Variants in CILK1 observed in about 807,000 individuals in gnomAD.
The protein encoded by CILK1 is ciliogenesis associated kinase 1, also known as serine/threonine-protein kinase ICK.
A neutral mutation model predicts 79.2 loss-of-function variants in CILK1; 47 were observed. The observed-to-expected ratio is 0.59, with a 90% CI of 0.47 to 0.76. The LOEUF (loss-of-function observed/expected upper bound fraction) is 0.76. Ranked by LOEUF, CILK1 falls within the 30% of genes least tolerant of loss-of-function variation. CILK1 has a pLI of 0.00. For synonymous variants in CILK1, 266 were observed against 275.9 expected (o/e 0.96, Z 0.36); for missense variants, 660 against 769.5 (o/e 0.86, Z 1.68).
At chr6:53,024,208 A>G (rs952910373) in intron 5 of CILK1, among the ~76,000 whole-genome samples, 1 of 152,206 alleles carries the variant, frequency 6.6e-6, no homozygotes, top group African/African-American at 2.4e-5. Flanking sequence ...GGCCTTCCTC[A>G]TACAATTCCT....
In CILK1 at chr6:53,013,553, C is replaced by T. The variant is rs375434938; in HGVS notation, c.1152+109G>A. On this transcript the variant is annotated intron_variant, in intron 9 of 13. Transcript: ENST00000676107. ...ATTCCATGCTGTTGCAAACATAAAT[C>T]TACCATAACTGGACCCTGTATACTG... 2.5e-4 allele frequency: 261 copies of T among 1,030,586 alleles called. 2 individuals are homozygous for T. In the South Asian group the frequency reaches 3.4e-3, roughly 13 times the overall value. The allele number at this position is 1,030,586 out of a possible 1,614,324, so 63.8% of individuals were successfully genotyped here.
chr6:53,005,076 G>A lies in CILK1; in HGVS notation c.*73C>T. The A allele has an allele frequency of 3.9e-6, 6 of 1,551,924 alleles. No homozygotes were observed. Among genetic ancestry groups the A allele is most frequent in the Non-Finnish European group, 5.3e-6 (6 of 1,126,810 alleles). The stretch of plus-strand genomic sequence containing the variant: ...TTTTATGCCCTCTGCACATCTTGCA[G>A]GTAGAACACCAGTCAGCTGAGGGAA... On this transcript the variant is annotated 3_prime_UTR_variant, in exon 14 of 14. Coordinates refer to ENST00000676107, the MANE Select transcript of CILK1 (RefSeq NM_014920.5).
At chr6:53,015,896 A>T in intron 8 of CILK1, 187 bp downstream of exon 8, 1 of 602,624 alleles carries the variant, frequency 1.7e-6, no homozygotes, top group Non-Finnish European at 2.9e-6. Flanking sequence ...TATTGTTTAC[A>T]TTGTAACTAC....
chr6:53,051,205 A>G (rs1767458240), intron 1 of CILK1, among the ~76,000 whole-genome samples: 8 of 152,182 alleles, frequency 5.3e-5, no homozygotes, highest in Admixed American at 5.2e-4. Context: ...ACTACAGCTA[A>G]TTTTTCTTGT....
At chr6:53,040,209 C>A (rs894717073) in intron 2 of CILK1, among the ~76,000 whole-genome samples, 12 of 152,180 alleles carry the variant, frequency 7.9e-5, no homozygotes, top group Non-Finnish European at 1.6e-4. Flanking sequence ...TACCCAGGGC[C>A]TTTTAGAACC....
Position 53,014,128 on chromosome 6 carries a change from T to A in CILK1, c.832-146A>T, listed in dbSNP as rs552063063. The A allele has an allele frequency of 2.3e-5, 16 of 695,866 alleles. 1 individual carries two copies. In the Admixed American group the frequency reaches 3.0e-4, roughly 13 times the overall value. 43.1% of individuals were successfully genotyped at this position (695,866 alleles called of 1,614,324 possible). On this transcript the variant is annotated intron_variant, in intron 8 of 13. Transcript: ENST00000676107. ...CAGTACCTTGAATTTTTAACACCCC[T>A]TGTGATTTTTCTTATCTAAGATACC... is the stretch of plus-strand genomic sequence containing the variant.
intron 1 of CILK1, among the ~76,000 whole-genome samples, chr6:53,056,835 C>T (rs751560297): frequency 1.8e-4 from 28 of 152,176 alleles, no homozygotes; most frequent in African/African-American, 6.0e-4. Flanking sequence ...TATACTACCA[C>T]GTCCACCCTC....
chr6:53,032,365 A>C (rs1038363499), intron 4 of CILK1, among the ~76,000 whole-genome samples, 168 bp downstream of exon 4: 4 of 151,976 alleles, frequency 2.6e-5, no homozygotes, highest in Non-Finnish European at 5.9e-5. Context: ...TAACCTACAC[A>C]TTGTGCACAT....
chr6:53,019,841 T>TG (rs937548235), intron 5 of CILK1, among the ~76,000 whole-genome samples: 9 of 151,686 alleles, frequency 5.9e-5, no homozygotes, highest in Non-Finnish European at 8.8e-5. Context: ...TGTTTTTTTT[T>TG]TTTTTGTTTT....
At chr6:53,046,279 T>A (rs1767068270) in intron 1 of CILK1, among the ~76,000 whole-genome samples, 1 of 152,218 alleles carries the variant, frequency 6.6e-6, no homozygotes, top group African/African-American at 2.4e-5. Context: ...TACAGTAGCA[T>A]GTGGGCTTCC....
At chr6:53,059,850 C>T (rs1768272002) in intron 1 of CILK1, among the ~76,000 whole-genome samples, 1 of 152,136 alleles carries the variant, frequency 6.6e-6, no homozygotes, top group African/African-American at 2.4e-5. Context: ...CTGAAAAGAC[C>T]AGAGGGATGC....
At chr6:53,049,907 G>A (rs1767359105) in intron 1 of CILK1, among the ~76,000 whole-genome samples, 1 of 152,026 alleles carries the variant, frequency 6.6e-6, no homozygotes, top group African/African-American at 2.4e-5. Flanking sequence ...TTTTCGTAGA[G>A]ACGGGGTCTT....
intron 9 of CILK1, 69 bp downstream of exon 9, chr6:53,013,593 T>A: frequency 2.8e-6 from 4 of 1,447,984 alleles, no homozygotes; most frequent in Non-Finnish European, 2.9e-6. Context: ...AGAAAATATT[T>A]CACACAATAA....
chr6:53,007,567 T>C (rs1296884533), intron 12 of CILK1, among the ~76,000 whole-genome samples: 1 of 152,182 alleles, frequency 6.6e-6, no homozygotes, highest in Non-Finnish European at 1.5e-5. Flanking sequence ...GCAACTCCCA[T>C]ATCCCGCTGG....
intron 7 of CILK1, 107 bp downstream of exon 7, chr6:53,018,223 C>A (rs1352116377): frequency 2.8e-6 from 3 of 1,075,402 alleles, no homozygotes; most frequent in South Asian, 1.3e-5. Context: ...AGAGAAAGAG[C>A]CTAGAATGGG....
chr6:53,018,723 G>T (rs1765041313), intron 6 of CILK1, among the ~76,000 whole-genome samples: 1 of 152,174 alleles, frequency 6.6e-6, no homozygotes, highest in African/African-American at 2.4e-5. Context: ...CTCTACAGGA[G>T]ACTTCTCTAT....
intron 1 of CILK1, among the ~76,000 whole-genome samples, chr6:53,054,128 C>T: frequency 6.6e-6 from 1 of 152,344 alleles, no homozygotes; most frequent in South Asian, 2.1e-4. Flanking sequence ...CCCAGTGCCT[C>T]AGCCAGGCCC....
rs377618039 is a variant in CILK1 at position 53,048,906 on chromosome 6, A to T, written c.-172-7498T>A. Among the ~76,000 whole-genome samples the T allele has an allele frequency of 2.0e-5, 3 of 152,250 alleles. No homozygotes were observed. The East Asian group carries it at 5.8e-4, about 29-fold the overall frequency. On this transcript the variant is annotated intron_variant, in intron 1 of 13. Coordinates refer to ENST00000676107, the MANE Select transcript of CILK1 (RefSeq NM_014920.5). ...AGAATGAAAGGGAAGTGAGCTGGTGAGGAAGAAGAGCTTCTGAGAAGGAAT... is the reference window on the plus strand; with the variant it reads ...AGAATGAAAGGGAAGTGAGCTGGTGTGGAAGAAGAGCTTCTGAGAAGGAAT...
intron 4 of CILK1, among the ~76,000 whole-genome samples, chr6:53,031,844 T>A (rs1765983578): frequency 2.0e-5 from 3 of 152,208 alleles, no homozygotes; most frequent in Admixed American, 6.5e-5. Context: ...ACTCTTCTTT[T>A]TTTTTTGAGA....
Sources: gnomAD v4.1 joint callset for allele counts (sites outside exome capture counted in the v4.1 genomes callset) on GRCh38, gnomAD v4.1.1 for gene constraint, MANE v1.5 for transcripts, NCBI Gene and HGNC (gene_info 2026-07-23, HGNC 2026-07-21) for gene names.